The following KCNJ10 variants were observed in gnomAD, a reference collection of about 807,000 sequenced individuals.
KCNJ10 encodes potassium inwardly rectifying channel subfamily J member 10.
A neutral mutation model predicts 22.2 loss-of-function variants in KCNJ10; 9 were observed. That is an observed-to-expected ratio of 0.40 (90% CI 0.24 to 0.71). KCNJ10 has a LOEUF of 0.71. Among genes scored for constraint, KCNJ10 ranks in the 30% least tolerant of loss-of-function variants. The probability of loss-of-function intolerance (pLI) is 0.35; values close to 1 mark genes in which losing one functional copy is unlikely to be tolerated. For synonymous variants in KCNJ10, 184 were observed against 187.3 expected (o/e 0.98, Z 0.15); for missense variants, 337 against 482.7 (o/e 0.70, Z 2.83).
chr1:160,042,617 A>G (rs1177999739), intron 1 of KCNJ10, 85 bp from the exon 2 acceptor site: 1 of 1,163,632 alleles, frequency 8.6e-7, no homozygotes, highest in Non-Finnish European at 1.3e-6. Context: ...GGAGGAATTA[A>G]CATTCATTTG....
chr1:160,049,691 A>ATATATATATATATATATATATATATATT (rs1648848697), intron 1 of KCNJ10, among the ~76,000 whole-genome samples: 1 of 113,492 alleles, frequency 8.8e-6, no homozygotes, highest in Non-Finnish European at 1.8e-5. Context: ...ATATATATAT[A>ATATATATATATATATATATATATATATT]TATATATATA....
rs867709519 is a variant in KCNJ10 at position 160,059,408 on chromosome 1, T to C, written c.-1+10614A>G. On this transcript the variant is annotated intron_variant, in intron 1 of 1. Transcript: ENST00000644903. Reference sequence around the variant, plus strand: ...TACATCAGAATCAGAGCAACAACCCTGGTCTTCTTCTTCATCTCAACTTAT... The same window carrying C: ...TACATCAGAATCAGAGCAACAACCCCGGTCTTCTTCTTCATCTCAACTTAT... 9.8e-5 allele frequency among the ~76,000 whole-genome samples: 15 copies of C among 152,286 alleles called. No individual in the cohort carries two copies. In the Middle Eastern group the frequency reaches 0.01, roughly 104 times the overall value.
intron 1 of KCNJ10, among the ~76,000 whole-genome samples, chr1:160,057,370 A>T (rs1202596661): frequency 6.6e-6 from 1 of 152,150 alleles, no homozygotes; most frequent in African/African-American, 2.4e-5. Flanking sequence ...TGCTCAAGTT[A>T]CACCATCCCT....
chr1:160,068,613 G>A (rs887319207), intron 1 of KCNJ10, among the ~76,000 whole-genome samples: 9 of 152,048 alleles, frequency 5.9e-5, no homozygotes, highest in Admixed American at 2.6e-4. Context: ...CTCCTCCCTC[G>A]TTTCTTCCTC....
intron 1 of KCNJ10, among the ~76,000 whole-genome samples, chr1:160,055,707 A>T (rs1181567930): frequency 6.6e-6 from 1 of 151,954 alleles, no homozygotes; most frequent in Non-Finnish European, 1.5e-5. Flanking sequence ...TTACTCTCGG[A>T]CACCATGTTC....
intron 1 of KCNJ10, among the ~76,000 whole-genome samples, chr1:160,060,357 C>T (rs1485255562): frequency 1.3e-5 from 2 of 152,174 alleles, no homozygotes; most frequent in Admixed American, 6.5e-5. Flanking sequence ...CAGTAGGGAA[C>T]ATTTGGAGCA....
At chr1:160,060,898 A>G (rs956278718) in intron 1 of KCNJ10, among the ~76,000 whole-genome samples, 3 of 152,192 alleles carry the variant, frequency 2.0e-5, no homozygotes, top group African/African-American at 7.2e-5. Context: ...ACCCTAGCTA[A>G]GAAGGCTGTG....
In KCNJ10 at chr1:160,038,054, A is replaced by G. The variant is rs982677390; in HGVS notation, c.*3339T>C. ...TCTTTGGGCTGCTTGCAGCCACACA[A>G]AAGGCTGGGCCTTGACCTTGGGAGA... On this transcript the variant is annotated 3_prime_UTR_variant, in exon 2 of 2. Coordinates refer to ENST00000644903, the MANE Select transcript of KCNJ10 (RefSeq NM_002241.5). 1 of 152,212 alleles carries G rather than the reference A, an allele frequency of 6.6e-6. No homozygotes were observed. Among genetic ancestry groups the G allele is most frequent in the African/African-American group, 2.4e-5 (1 of 41,458 alleles). 9.4% of individuals were successfully genotyped at this position (152,212 alleles called of 1,614,324 possible).
At chr1:160,069,264 G>A (rs891118855) in intron 1 of KCNJ10, among the ~76,000 whole-genome samples, 1 of 152,158 alleles carries the variant, frequency 6.6e-6, no homozygotes, top group Non-Finnish European at 1.5e-5. Flanking sequence ...CCTAACACAG[G>A]TGCCCTGGGT....
intron 1 of KCNJ10, among the ~76,000 whole-genome samples, chr1:160,049,665 T>TTTTA (rs765118576): frequency 0.042 from 3,059 of 72,646 alleles, 247 homozygotes; most frequent in Non-Finnish European, 0.054. Context: ...GGATCCAGCA[T>TTTTA]TTTATTTATT....
chr1:160,037,911 A>G lies in KCNJ10; in HGVS notation c.*3482T>C, dbSNP rs892143526. Reference sequence around the variant, plus strand: ...CGGAAGCCTCTCATGGAACTTCACCATCCCCTAGAGCAGCTGGTAACCCCA... The same window carrying G: ...CGGAAGCCTCTCATGGAACTTCACCGTCCCCTAGAGCAGCTGGTAACCCCA... On this transcript the variant is annotated 3_prime_UTR_variant, in exon 2 of 2. Transcript: ENST00000644903. The G allele has an allele frequency of 1.3e-5, 2 of 152,296 alleles. No individual in the cohort carries two copies. The highest frequency in any genetic ancestry group is 4.8e-5 in the African/African-American group (2 of 41,452). The allele number at this position is 152,296 out of a possible 1,614,324, so 9.4% of individuals were successfully genotyped here.
At chr1:160,053,861 A>G (rs567608658) in intron 1 of KCNJ10, among the ~76,000 whole-genome samples, 37 of 152,304 alleles carry the variant, frequency 2.4e-4, no homozygotes, top group Middle Eastern at 6.8e-3. Context: ...TAACCTCTGC[A>G]TGGCCCTTCT....
intron 1 of KCNJ10, among the ~76,000 whole-genome samples, chr1:160,061,733 T>A (rs1649197427): frequency 2.8e-5 from 1 of 35,114 alleles, no homozygotes; most frequent in African/African-American, 1.2e-4. Flanking sequence ...CCTGCGGCCG[T>A]GGAGGGGGTG....
chr1:160,066,242 G>A (rs1649319950), intron 1 of KCNJ10, among the ~76,000 whole-genome samples: 1 of 152,180 alleles, frequency 6.6e-6, no homozygotes, highest in Admixed American at 6.5e-5. Flanking sequence ...AAAAACTTGT[G>A]GAAAGCAGGG....
chr1:160,065,598 G>C (rs1402859115), intron 1 of KCNJ10, among the ~76,000 whole-genome samples: 1 of 152,150 alleles, frequency 6.6e-6, no homozygotes, highest in Non-Finnish European at 1.5e-5. Context: ...GACTTGGAAT[G>C]GCCTTTGTGA....
intron 1 of KCNJ10, among the ~76,000 whole-genome samples, chr1:160,069,638 A>T (rs576575479): frequency 1.3e-5 from 2 of 151,970 alleles, no homozygotes; most frequent in Non-Finnish European, 2.9e-5. Context: ...TGGGGATGGG[A>T]GTAACCTGTC....
At chr1:160,053,395 A>G (rs1197655052) in intron 1 of KCNJ10, among the ~76,000 whole-genome samples, 1 of 152,152 alleles carries the variant, frequency 6.6e-6, no homozygotes, top group Non-Finnish European at 1.5e-5. Context: ...AGAGAAAATG[A>G]AGGAGAGGGG....
rs1553235192 is a variant in KCNJ10 at position 160,043,272 on chromosome 1, A to ACACACACACAC, written c.1-741_1-740insGTGTGTGTGTG. Among the ~76,000 whole-genome samples, 1,093 of 132,716 alleles carry ACACACACACAC rather than the reference A, an allele frequency of 8.2e-3. 18 individuals carry two copies. The highest frequency in any genetic ancestry group is 0.012 in the African/African-American group (393 of 34,042). 87.1% of individuals were successfully genotyped at this position (132,716 alleles called of 152,430 possible). ...ATCCTTCCAGGCCAATCCCCCTTAA[A>ACACACACACAC]ACACACACACACACACACACACACA... On this transcript the variant is annotated intron_variant, in intron 1 of 1. Transcript: ENST00000644903.
chr1:160,049,256 G>A (rs957218216), intron 1 of KCNJ10, among the ~76,000 whole-genome samples: 1 of 152,066 alleles, frequency 6.6e-6, no homozygotes, highest in East Asian at 1.9e-4. Flanking sequence ...AACCCAGGCT[G>A]GCATATAAGG....
Sources: gnomAD v4.1 joint callset for allele counts (sites outside exome capture counted in the v4.1 genomes callset) on GRCh38, gnomAD v4.1.1 for gene constraint, MANE v1.5 for transcripts, NCBI Gene and HGNC (gene_info 2026-07-23, HGNC 2026-07-21) for gene names.